The following MGAT4A variants were observed in gnomAD, a reference collection of about 807,000 sequenced individuals.
The protein encoded by MGAT4A is alpha-1,3-mannosyl-glycoprotein 4-beta-N-acetylglucosaminyltransferase A, also known as N-acetylglucosaminyltransferase IVa.
In MGAT4A, 33 loss-of-function variants were observed where a neutral mutation model predicts 74.1. The observed-to-expected ratio is 0.45, with a 90% CI of 0.34 to 0.60. MGAT4A has a LOEUF of 0.60. Ranked by LOEUF, MGAT4A falls within the 20% of genes least tolerant of loss-of-function variation. MGAT4A has a pLI of 0.02. For synonymous variants in MGAT4A, 198 were observed against 210.4 expected (o/e 0.94, Z 0.51); for missense variants, 479 against 628.3 (o/e 0.76, Z 2.54).
intron 2 of MGAT4A, among the ~76,000 whole-genome samples, chr2:98,689,220 A>G (rs1702164979): frequency 6.6e-6 from 1 of 152,228 alleles, no homozygotes; most frequent in Non-Finnish European, 1.5e-5. Context: ...TTTGCTGAAA[A>G]CAACTGGGAA....
chr2:98,730,437 C>T (rs1434305605), intron 1 of MGAT4A, among the ~76,000 whole-genome samples: 4 of 152,208 alleles, frequency 2.6e-5, no homozygotes, highest in African/African-American at 9.6e-5. Context: ...TGCTCTTTCA[C>T]GCGGGCCCCG....
intron 14 of MGAT4A, among the ~76,000 whole-genome samples, chr2:98,632,745 G>A (rs986653550): frequency 2.0e-5 from 3 of 152,122 alleles, no homozygotes; most frequent in Non-Finnish European, 4.4e-5. Context: ...ACTGGTCATG[G>A]CAGTAGCCCT....
intron 2 of MGAT4A, among the ~76,000 whole-genome samples, chr2:98,685,360 C>A (rs1281419248): frequency 1.3e-5 from 2 of 151,554 alleles, no homozygotes; most frequent in African/African-American, 4.9e-5. Flanking sequence ...AGTAAGATTC[C>A]AAAATTTAAT....
At chr2:98,658,670 C>A (rs1206625839) in intron 5 of MGAT4A, among the ~76,000 whole-genome samples, 1 of 152,056 alleles carries the variant, frequency 6.6e-6, no homozygotes, top group East Asian at 1.9e-4. Flanking sequence ...ACTCTAAAGT[C>A]ATTTCTCTGA....
At chr2:98,643,184 A>T (rs1377494485) in intron 10 of MGAT4A, among the ~76,000 whole-genome samples, 26 of 151,556 alleles carry the variant, frequency 1.7e-4, no homozygotes, top group African/African-American at 3.6e-4. Context: ...TACTCTTTTT[A>T]AAAAAAAATC....
At chr2:98,668,959 C>T (rs900899022) in intron 4 of MGAT4A, among the ~76,000 whole-genome samples, 5 of 152,218 alleles carry the variant, frequency 3.3e-5, no homozygotes, top group African/African-American at 4.8e-5. Context: ...ACCCAATGCC[C>T]GTACCCCCAT....
intron 4 of MGAT4A, among the ~76,000 whole-genome samples, chr2:98,671,234 T>C (rs1461058154): frequency 1.3e-5 from 2 of 152,202 alleles, no homozygotes; most frequent in African/African-American, 2.4e-5. Flanking sequence ...CTCGTCCAAG[T>C]TCCAAGTTGA....
chr2:98,682,427 A>G (rs1297280797), intron 2 of MGAT4A, among the ~76,000 whole-genome samples: 2 of 150,306 alleles, frequency 1.3e-5, no homozygotes, highest in African/African-American at 4.9e-5. Flanking sequence ...CATCTCAAAA[A>G]AAAAAAAAAA....
At chr2:98,722,509 T>C (rs781604975) in intron 2 of MGAT4A, among the ~76,000 whole-genome samples, 34 of 152,196 alleles carry the variant, frequency 2.2e-4, no homozygotes, top group Non-Finnish European at 4.4e-4. Context: ...GAAAAATTAG[T>C]GGTTGCCTAA....
chr2:98,636,800 G>A (rs1381673903), intron 12 of MGAT4A, among the ~76,000 whole-genome samples: 1 of 152,166 alleles, frequency 6.6e-6, no homozygotes, highest in African/African-American at 2.4e-5. Flanking sequence ...ACTCCTAGGT[G>A]ATAAGTTCAT....
intron 8 of MGAT4A, among the ~76,000 whole-genome samples, chr2:98,649,076 T>C (rs567467122): frequency 3.3e-5 from 5 of 152,142 alleles, no homozygotes; most frequent in African/African-American, 4.8e-5. Flanking sequence ...TCGAAAGAAC[T>C]GAACAATTAG....
At chr2:98,686,780 CA>C (rs1201197483) in intron 2 of MGAT4A, among the ~76,000 whole-genome samples, 1 of 152,130 alleles carries the variant, frequency 6.6e-6, no homozygotes, top group Non-Finnish European at 1.5e-5. Context: ...CTCCTGACCT[CA>C]AGTGATCTGC....
intron 14 of MGAT4A, among the ~76,000 whole-genome samples, chr2:98,634,856 C>T (rs956403375): frequency 1.3e-5 from 2 of 151,624 alleles, no homozygotes. Flanking sequence ...GACATCTCAA[C>T]ACAGATGTGA....
intron 5 of MGAT4A, among the ~76,000 whole-genome samples, chr2:98,660,416 GCGCA>G (rs1701727957): frequency 1.5e-4 from 13 of 84,950 alleles, no homozygotes; most frequent in South Asian, 7.1e-4. Context: ...ACACACGCAC[GCGCA>G]CACACACACA....
At chr2:98,650,766 C>T (rs969030206) in intron 8 of MGAT4A, among the ~76,000 whole-genome samples, 3 of 152,130 alleles carry the variant, frequency 2.0e-5, no homozygotes, top group East Asian at 1.9e-4. Context: ...GCCTGAACAA[C>T]GCGGTGAAAC....
Position 98,640,013 on chromosome 2 carries a change from G to T in MGAT4A, c.1129-12C>A. On this transcript the variant is annotated splice_polypyrimidine_tract_variant and intron_variant, in intron 11 of 15. Coordinates refer to ENST00000393487, the MANE Select transcript of MGAT4A (RefSeq NM_012214.3). ...ATATAATCTTTATCCTGGGAGCAAAGACATATATGCTATTAAATAATACAC... is the reference window on the plus strand; with the variant it reads ...ATATAATCTTTATCCTGGGAGCAAATACATATATGCTATTAAATAATACAC... 1.9e-6 allele frequency: 3 copies of T among 1,601,456 alleles called. No individual in the cohort carries two copies. Among genetic ancestry groups the T allele is most frequent in the South Asian group, 1.1e-5 (1 of 89,960 alleles).
intron 2 of MGAT4A, among the ~76,000 whole-genome samples, chr2:98,689,100 C>A (rs1018723321): frequency 1.3e-5 from 2 of 152,148 alleles, no homozygotes; most frequent in African/African-American, 4.8e-5. Context: ...TAAATCACCA[C>A]TATTATATCA....
intron 8 of MGAT4A, among the ~76,000 whole-genome samples, chr2:98,649,895 G>C (rs1444663351): frequency 2.0e-5 from 3 of 152,064 alleles, no homozygotes; most frequent in African/African-American, 7.2e-5. Context: ...CAAAAATATG[G>C]TATATCCAAA....
chr2:98,636,622 A>G, intron 12 of MGAT4A, 27 bp from the exon 13 acceptor site: 1 of 1,584,390 alleles, frequency 6.3e-7, no homozygotes, highest in Non-Finnish European at 8.7e-7. Flanking sequence ...CAAAATAAAA[A>G]CACAAGTCGG....
Sources: gnomAD v4.1 joint callset for allele counts (sites outside exome capture counted in the v4.1 genomes callset) on GRCh38, gnomAD v4.1.1 for gene constraint, MANE v1.5 for transcripts, NCBI Gene and HGNC (gene_info 2026-07-23, HGNC 2026-07-21) for gene names.